The following ZNF761 variants were observed in gnomAD, a reference collection of about 807,000 sequenced individuals.
ZNF761 encodes the protein zinc finger protein 761.
ZNF761 carries 43 observed loss-of-function variants against 59.9 expected under a neutral mutation model. The ratio of observed to expected loss-of-function variants is 0.72; its 90% CI spans 0.56 to 0.92. The LOEUF (loss-of-function observed/expected upper bound fraction) is 0.92, where lower values mean the gene tolerates loss of function less well. ZNF761 is among the 40% of genes least tolerant of loss of function. The pLI, the probability that ZNF761 is intolerant of heterozygous loss-of-function variation, is 0.00. For synonymous variants in ZNF761, 294 were observed against 304.8 expected, an observed-to-expected ratio of 0.96 and a Z score of 0.37; for missense variants, 850 against 906.1, an observed-to-expected ratio of 0.94 and a Z score of 0.79.
At position 53,455,014 on chromosome 19, in the gene ZNF761, C is replaced by CGAT. The variant is rs2086252932; in HGVS notation, c.509_511dup (p.Asp170dup). ...ATAATCAAGTTGTGAAGTCTGTCCA[C>CGAT]GATGCTTCCTTGGTTTCAACAGCCC... On this transcript the variant is annotated inframe_insertion, in exon 5 of 5. Coordinates refer to ENST00000684525, the MANE Select transcript of ZNF761 (RefSeq NM_001289951.2). The CGAT allele has an allele frequency of 1.2e-6, 2 of 1,614,130 alleles. No individual in the cohort carries two copies. The highest frequency in any genetic ancestry group is 1.7e-6 in the Non-Finnish European group (2 of 1,180,022).
chr19:53,433,463 A>ACAGC (rs61408827), intron 1 of ZNF761, among the ~76,000 whole-genome samples: 1 of 139,206 alleles, frequency 7.2e-6, no homozygotes, highest in Admixed American at 7.1e-5. Context: ...GACTTCGCCA[A>ACAGC]GTCGAGCTTG....
intron 1 of ZNF761, chr19:53,442,913 C>T: frequency 2.6e-6 from 1 of 377,384 alleles, no homozygotes; most frequent in Non-Finnish European, 5.1e-6. Flanking sequence ...CTGAAAGATG[C>T]CTTTGTCACA....
chr19:53,446,051 C>G (rs1286621412), intron 1 of ZNF761, among the ~76,000 whole-genome samples, 176 bp from the exon 2 acceptor site: 3 of 152,216 alleles, frequency 2.0e-5, no homozygotes, highest in Non-Finnish European at 4.4e-5. Context: ...CCCTATGTCC[C>G]TAAATGATCA....
chr19:53,448,078 G>A (rs1489665710), intron 3 of ZNF761, among the ~76,000 whole-genome samples: 1 of 151,952 alleles, frequency 6.6e-6, no homozygotes, highest in Non-Finnish European at 1.5e-5. Flanking sequence ...CTTGGCTCAC[G>A]GGAACCTCCA....
Position 53,456,514 on chromosome 19 carries a change from G to A in ZNF761, c.2007G>A (p.Lys669=). ...CTTACAAGTGTAATGAGTGTGGCAA[G>A]ACCTTTAGTCGGAAGTCATATTTTA... ...EKPYKCNECG[K]TFSRKSYFIC... The change falls in exon 5 of 5, where the codon AAG becomes AAA. Residue 669 remains lysine, a synonymous_variant. Transcript: ENST00000684525. 1 of 1,611,720 alleles carries A rather than the reference G, an allele frequency of 6.2e-7. No individual in the cohort carries two copies. Among genetic ancestry groups the A allele is most frequent in the Non-Finnish European group, 8.5e-7 (1 of 1,178,692 alleles).
At chr19:53,454,535 G>C (rs1305308474) in intron 4 of ZNF761, 115 bp from the exon 5 acceptor site, 1 of 1,069,632 alleles carries the variant, frequency 9.3e-7, no homozygotes, top group Non-Finnish European at 1.3e-6. Flanking sequence ...TAAACTTTGA[G>C]GGTCATGTTT....
chr19:53,447,353 A>G, intron 3 of ZNF761, 70 bp downstream of exon 3: 2 of 1,590,816 alleles, frequency 1.3e-6, no homozygotes, highest in Non-Finnish European at 1.7e-6. Flanking sequence ...GGAGTTGGGA[A>G]TCTTCTCTGA....
intron 1 of ZNF761, chr19:53,442,212 A>G: frequency 1.8e-6 from 2 of 1,131,262 alleles, no homozygotes; most frequent in Non-Finnish European, 2.7e-6. Flanking sequence ...AGCTAAGCAC[A>G]TTGCAGATGA....
intron 1 of ZNF761, among the ~76,000 whole-genome samples, chr19:53,433,720 A>G (rs958081937): frequency 1.1e-4 from 17 of 152,134 alleles, no homozygotes; most frequent in African/African-American, 4.1e-4. Context: ...AATTGCTTCT[A>G]TAGTTGATTG....
intron 1 of ZNF761, among the ~76,000 whole-genome samples, chr19:53,435,628 G>A (rs1395504585): frequency 6.6e-6 from 1 of 152,032 alleles, no homozygotes; most frequent in Non-Finnish European, 1.5e-5. Context: ...TCTTAAGTGA[G>A]TCCTTGTACA....
chr19:53,433,044 A>G (rs1420946120), intron 1 of ZNF761, among the ~76,000 whole-genome samples: 8 of 123,512 alleles, frequency 6.5e-5, no homozygotes, highest in South Asian at 3.0e-4. Context: ...GAGTGGGGAC[A>G]GGGGGGTATA....
intron 1 of ZNF761, among the ~76,000 whole-genome samples, chr19:53,441,616 T>G (rs1245326634): frequency 6.6e-6 from 1 of 152,022 alleles, no homozygotes; most frequent in Non-Finnish European, 1.5e-5. Flanking sequence ...CCAGCTAATT[T>G]TTGTACTTTT....
intron 1 of ZNF761, among the ~76,000 whole-genome samples, chr19:53,445,819 C>A (rs1406520861): frequency 6.6e-6 from 1 of 152,160 alleles, no homozygotes; most frequent in Non-Finnish European, 1.5e-5. Context: ...TCACGTCAGT[C>A]CCTGGCAGGG....
In ZNF761 at chr19:53,454,946, C is replaced by T. The variant is rs267605656; in HGVS notation, c.439C>T (p.His147Tyr). 1.2e-6 allele frequency: 2 copies of T among 1,614,152 alleles called. No individual in the cohort carries two copies. Among genetic ancestry groups the T allele is most frequent in the Non-Finnish European group, 1.7e-6 (2 of 1,180,028 alleles). Reference sequence around the variant, plus strand: ...TCAGCTTGGATCAAGCTTTCATTCGCATCTGCCTGAAATGCACATATTTCA... The same window carrying T: ...TCAGCTTGGATCAAGCTTTCATTCGTATCTGCCTGAAATGCACATATTTCA... ...KDQLGSSFHSHLPEMHIFQTE... is the reference protein window; with the variant it reads ...KDQLGSSFHSYLPEMHIFQTE... The change falls in exon 5 of 5, where the codon CAT becomes TAT. Residue 147 changes from histidine to tyrosine, a missense_variant. By Grantham distance (83) the His-to-Tyr change is moderately conservative (BLOSUM62 2). Coordinates refer to ENST00000684525, the MANE Select transcript of ZNF761 (RefSeq NM_001289951.2).
At position 53,441,696 on chromosome 19, in the gene ZNF761, C is replaced by T. The variant is rs182686947; in HGVS notation, c.-184-4531C>T. ...TCCTGACCTCAGGTGATCCACTCGCCTTGGCCTCCCCAAAGTGCTGGGATT... is the reference window on the plus strand; with the variant it reads ...TCCTGACCTCAGGTGATCCACTCGCTTTGGCCTCCCCAAAGTGCTGGGATT... On this transcript the variant is annotated intron_variant, in intron 1 of 4. Coordinates refer to ENST00000684525, the MANE Select transcript of ZNF761 (RefSeq NM_001289951.2). 3.9e-3 allele frequency: 2,104 copies of T among 538,998 alleles called. 52 individuals carry two copies. Among genetic ancestry groups the T allele is most frequent in the African/African-American group, 0.036 (1,875 of 52,468 alleles). The allele number at this position is 538,998 out of a possible 1,614,324, so 33.4% of individuals were successfully genotyped here.
At chr19:53,443,056 A>G (rs184028207) in intron 1 of ZNF761, 6 of 249,418 alleles carry the variant, frequency 2.4e-5, no homozygotes, top group East Asian at 1.4e-4. Context: ...AGTTGCGTCC[A>G]GTTCAGATCA....
intron 1 of ZNF761, chr19:53,443,538 GT>G (rs2086122304): frequency 6.6e-6 from 1 of 152,256 alleles, no homozygotes; most frequent in Admixed American, 6.5e-5. Flanking sequence ...AGGATGTGGG[GT>G]TTGAAAGGAA....
chr19:53,455,297 C>T lies in ZNF761; in HGVS notation c.790C>T (p.His264Tyr), dbSNP rs1296162384. Reference sequence around the variant, plus strand: ...AAACCTAGCATGCCATCGTAGATGTCACACTGGTGAGAATCCTTACAAGTG... The same window carrying T: ...AAACCTAGCATGCCATCGTAGATGTTACACTGGTGAGAATCCTTACAAGTG... Reference protein sequence around the residue: ...KRNLACHRRCHTGENPYKCNE... With the variant: ...KRNLACHRRCYTGENPYKCNE... Residue 264 changes from histidine (H) to tyrosine (Y), a missense_variant, in exon 5 of 5, where the codon CAC (histidine) becomes TAC (tyrosine). By Grantham distance (83) the His-to-Tyr change is moderately conservative. Transcript: ENST00000684525. 1.2e-6 allele frequency: 2 copies of T among 1,614,242 alleles called. No homozygotes were observed. Among genetic ancestry groups the T allele is most frequent in the South Asian group, 2.2e-5 (2 of 91,080 alleles).
In ZNF761 at chr19:53,455,628, G is replaced by T. The variant is rs757162786; in HGVS notation, c.1121G>T (p.Arg374Ile). Residue 374 changes from arginine to isoleucine, a missense_variant, in exon 5 of 5, where the codon AGA becomes ATA. Coordinates refer to ENST00000684525, the MANE Select transcript of ZNF761 (RefSeq NM_001289951.2). ...AAGTCATCCCTTACATGCCATCATA[G>T]ACTTCATACTGGAGAGAAACCCTAC... is the stretch of plus-strand genomic sequence containing the variant. ...SHKSSLTCHH[R>I]LHTGEKPYKC... 28 of 1,613,482 alleles carry T rather than the reference G, an allele frequency of 1.7e-5. No individual in the cohort carries two copies. Among genetic ancestry groups the T allele is most frequent in the Admixed American group, 1.2e-4 (7 of 59,924 alleles).
Sources: allele counts gnomAD v4.1 joint callset (sites outside exome capture counted in the v4.1 genomes callset), GRCh38; gene constraint gnomAD v4.1.1; transcripts MANE v1.5; gene names NCBI Gene and HGNC (gene_info 2026-07-23, HGNC 2026-07-21).